ZCWPW1: variants seen among roughly 807,000 people sequenced by gnomAD.
ZCWPW1 encodes zinc finger CW-type and PWWP domain containing 1.
Under a neutral mutation model 81.3 loss-of-function variants are expected in ZCWPW1, and 56 were observed. The ratio of observed to expected loss-of-function variants is 0.69; its 90% confidence interval spans 0.56 to 0.86. The LOEUF is 0.86. Ranked by LOEUF, ZCWPW1 falls within the 40% of genes least tolerant of loss-of-function variation. The probability of loss-of-function intolerance (pLI) is 0.00; values close to 1 mark genes in which losing one functional copy is unlikely to be tolerated. For missense variants in ZCWPW1, 650 were observed against 769.8 expected (o/e 0.84, Z 1.84); for synonymous variants, 250 against 273.7 (o/e 0.91, Z 0.86).
rs1272800173 is a variant in ZCWPW1, at chr7:100,402,099, T to C, written c.1475-58A>G. 4.5e-6 allele frequency: 7 copies of C among 1,549,818 alleles called. No individual in the cohort carries two copies. The East Asian group carries it at 1.6e-4, about 35-fold the overall frequency. Reference sequence around the variant, plus strand: ...TAAACGACAACTCGGCAAGGGCAGATGGACACTGCACATTGAGTTTCTGCC... The same window carrying C: ...TAAACGACAACTCGGCAAGGGCAGACGGACACTGCACATTGAGTTTCTGCC... On this transcript the variant is annotated intron_variant, in intron 16 of 17. Coordinates refer to ENST00000684423, the MANE Select transcript of ZCWPW1 (RefSeq NM_001386010.1).
intron 2 of ZCWPW1, among the ~76,000 whole-genome samples, chr7:100,421,930 G>A (rs1796428665): frequency 6.6e-6 from 1 of 152,180 alleles, no homozygotes; most frequent in African/African-American, 2.4e-5. Context: ...CACCTCAGGT[G>A]ATCTGCCTGC....
At chr7:100,415,715 T>TGTA (rs1455714113) in intron 8 of ZCWPW1, among the ~76,000 whole-genome samples, 1 of 152,234 alleles carries the variant, frequency 6.6e-6, no homozygotes, top group African/African-American at 2.4e-5. Context: ...CTCAAACTAT[T>TGTA]ACCTTTCTTA....
intron 3 of ZCWPW1, 84 bp downstream of exon 3, chr7:100,420,538 G>GA (rs1563147342): frequency 1.3e-6 from 2 of 1,542,976 alleles, no homozygotes; most frequent in African/African-American, 2.7e-5. Flanking sequence ...ATAGGGACCC[G>GA]TACCATCCTT....
intron 5 of ZCWPW1, chr7:100,418,842 A>G (rs1795829685): frequency 4.3e-6 from 1 of 234,976 alleles, no homozygotes; most frequent in Non-Finnish European, 8.1e-6. Flanking sequence ...AAATCCCATA[A>G]TGGCTTGAAA....
chr7:100,421,022 C>T (rs536878404), intron 2 of ZCWPW1, among the ~76,000 whole-genome samples: 2 of 152,122 alleles, frequency 1.3e-5, no homozygotes, highest in African/African-American at 4.8e-5. Context: ...TGGTGGCATG[C>T]GCCTGTAGTC....
chr7:100,414,533 A>G (rs538014934), intron 8 of ZCWPW1, among the ~76,000 whole-genome samples: 3 of 152,038 alleles, frequency 2.0e-5, no homozygotes, highest in African/African-American at 7.2e-5. Context: ...CTCCCACCTC[A>G]GCCTCTTGAA....
At chr7:100,409,327 T>A (rs1032026484) in intron 9 of ZCWPW1, 101 bp downstream of exon 9, 18 of 933,952 alleles carry the variant, frequency 1.9e-5, no homozygotes, top group Non-Finnish European at 3.0e-5. Context: ...GGACACTGAG[T>A]GCTAACTATA....
Position 100,406,744 on chromosome 7 carries a change from C to T in ZCWPW1, c.1123G>A (p.Val375Ile). ...GETVSRAWIP[V>I]NMLKNFQELS... ...TCCTGGAAGTTCTTTAGCATGTTGA[C>T]TGGGATCCATGCACGAGAAACTGTT... The change falls in exon 12 of 18, where the codon GTC (valine) becomes ATC (isoleucine). Residue 375 changes from valine (V) to isoleucine (I), a missense_variant. Val to Ile is a conservative substitution (Grantham distance 29). Transcript: ENST00000684423. The T allele has an allele frequency of 6.8e-6, 11 of 1,614,174 alleles. No homozygotes were observed. The highest frequency in any genetic ancestry group is 8.5e-6 in the Non-Finnish European group (10 of 1,180,024).
At chr7:100,418,506 C>G (rs1795763887) in intron 5 of ZCWPW1, among the ~76,000 whole-genome samples, 2 of 151,992 alleles carry the variant, frequency 1.3e-5, no homozygotes, top group African/African-American at 4.8e-5. Flanking sequence ...AAAATTAAAA[C>G]AACAGGCTGG....
intron 8 of ZCWPW1, among the ~76,000 whole-genome samples, chr7:100,412,107 C>T (rs1015862840): frequency 2.6e-5 from 4 of 152,060 alleles, no homozygotes; most frequent in Admixed American, 6.5e-5. Context: ...GGGTTCTCTT[C>T]GTTCTTCAAT....
At chr7:100,403,233 T>A (rs902743300) in intron 15 of ZCWPW1, among the ~76,000 whole-genome samples, 1 of 147,530 alleles carries the variant, frequency 6.8e-6, no homozygotes, top group Non-Finnish European at 1.5e-5. Flanking sequence ...TTTTTTTTTT[T>A]GAGAGGGAGT....
intron 2 of ZCWPW1, among the ~76,000 whole-genome samples, chr7:100,423,356 G>A (rs1796680575): frequency 6.6e-6 from 1 of 152,132 alleles, no homozygotes. Flanking sequence ...ATCCAAAAGC[G>A]ACGTAAAATG....
chr7:100,409,377 G>T, intron 9 of ZCWPW1, 51 bp downstream of exon 9: 1 of 1,403,366 alleles, frequency 7.1e-7, no homozygotes, highest in Non-Finnish European at 1.0e-6. Flanking sequence ...TGCAGAGAAA[G>T]AAAGGGAGGA....
rs1795399215 is a variant in ZCWPW1, at chr7:100,417,067, C to T, written c.478G>A (p.Gly160Arg). 1.9e-6 allele frequency: 3 copies of T among 1,612,038 alleles called. No individual in the cohort carries two copies. The highest frequency in any genetic ancestry group is 2.5e-6 in the Non-Finnish European group (3 of 1,178,214). Residue 160 changes from glycine (G) to arginine (R), a missense_variant and splice_region_variant, in exon 6 of 18, where the codon GGA becomes AGA. By Grantham distance (125) the Gly-to-Arg change is moderately radical. Transcript: ENST00000684423. ...CTTGCCTCACTGAAATAAACTTACC[C>T]ATTAGCATTATCAGTATCAGTAGCA... ...ASATDTDNAN[G>R]EEVPHTQEIS...
At chr7:100,421,523 T>A (rs1042237388) in intron 2 of ZCWPW1, among the ~76,000 whole-genome samples, 1 of 152,216 alleles carries the variant, frequency 6.6e-6, no homozygotes, top group African/African-American at 2.4e-5. Flanking sequence ...ATTCTACCAA[T>A]CTCTAGTCAT....
At chr7:100,417,210 A>G (rs1227476617) in intron 5 of ZCWPW1, 27 bp from the exon 6 acceptor site, 2 of 1,595,790 alleles carry the variant, frequency 1.3e-6, no homozygotes, top group Non-Finnish European at 1.7e-6. Flanking sequence ...CTATAAGCAG[A>G]GAAGCAAAAA....
rs763183398 is a variant in ZCWPW1 at position 100,419,217 on chromosome 7, AC to A, written c.283-29del. ...GCAGAGACAAGGGTAGGGGAGGAAA[AC>A]CACTTATCTTTCCATAGTTTTCCCC... On this transcript the variant is annotated intron_variant, in intron 4 of 17. Transcript: ENST00000684423. The A allele has an allele frequency of 8.5e-5, 136 of 1,594,838 alleles. No individual in the cohort carries two copies. In the African/African-American group the frequency reaches 1.6e-3, roughly 18 times the overall value.
chr7:100,403,841 TA>T (rs1792429322), intron 14 of ZCWPW1, 56 bp from the exon 15 acceptor site: 2 of 1,503,154 alleles, frequency 1.3e-6, no homozygotes, highest in Non-Finnish European at 1.8e-6. Flanking sequence ...AATAGTGAGT[TA>T]ATGAAGCTGA....
intron 16 of ZCWPW1, among the ~76,000 whole-genome samples, 166 bp from the exon 17 acceptor site, chr7:100,402,207 A>G (rs140790120): frequency 1.5e-3 from 221 of 151,812 alleles, no homozygotes; most frequent in African/African-American, 5.0e-3. Flanking sequence ...TTTCCCCCCA[A>G]TTCTCTTTTT....
Sources: gnomAD v4.1 joint callset for allele counts (sites outside exome capture counted in the v4.1 genomes callset) on GRCh38, gnomAD v4.1.1 for gene constraint, MANE v1.5 for transcripts, NCBI Gene and HGNC (gene_info 2026-07-23, HGNC 2026-07-21) for gene names.